Variants in GLIS1 observed in about 807,000 individuals in gnomAD.
The protein encoded by GLIS1 is GLIS family zinc finger 1.
A neutral mutation model predicts 63.8 loss-of-function variants in GLIS1; 24 were observed. The observed-to-expected ratio is 0.38, with a 90% CI of 0.27 to 0.53. The LOEUF (loss-of-function observed/expected upper bound fraction) is 0.53, where lower values mean the gene tolerates loss of function less well. GLIS1 is among the 20% of genes least tolerant of loss of function. The probability of loss-of-function intolerance (pLI) is 0.85; values close to 1 mark genes in which losing one functional copy is unlikely to be tolerated. For synonymous variants in GLIS1, 450 were observed against 482.5 expected (o/e 0.93, Z 0.88); for missense variants, 1,036 against 1,074.1 (o/e 0.96, Z 0.50).
At chr1:53,509,416 G>GAGA in intron 9 of GLIS1, 129 bp from the exon 10 acceptor site, 1 of 1,020,990 alleles carries the variant, frequency 9.8e-7, no homozygotes, top group Non-Finnish European at 1.4e-6. Flanking sequence ...GAGAGAGAGA[G>GAGA]GAGGGCCCAG....
intron 2 of GLIS1, among the ~76,000 whole-genome samples, chr1:53,711,741 T>C (rs1646649202): frequency 6.6e-6 from 1 of 152,236 alleles, no homozygotes; most frequent in Admixed American, 6.5e-5. Context: ...CCTTCACAAG[T>C]AGCAGTCATT....
chr1:53,736,258 G>A (rs1646911702), intron 2 of GLIS1, among the ~76,000 whole-genome samples: 1 of 152,160 alleles, frequency 6.6e-6, no homozygotes. Flanking sequence ...GTTTGGGGGC[G>A]TGCGTAAAAA....
At chr1:53,551,555 T>C (rs1644759758) in intron 4 of GLIS1, among the ~76,000 whole-genome samples, 2 of 152,162 alleles carry the variant, frequency 1.3e-5, no homozygotes, top group Non-Finnish European at 2.9e-5. Flanking sequence ...GTCAGGTCGG[T>C]TGCTTAGAGC....
At chr1:53,684,962 G>A (rs996777983) in intron 2 of GLIS1, among the ~76,000 whole-genome samples, 2 of 152,226 alleles carry the variant, frequency 1.3e-5, no homozygotes, top group Non-Finnish European at 2.9e-5. Context: ...GAGACTCACG[G>A]GAGGGGAGAT....
intron 6 of GLIS1, among the ~76,000 whole-genome samples, chr1:53,522,771 C>T (rs1644422945): frequency 6.6e-6 from 1 of 151,824 alleles, no homozygotes; most frequent in African/African-American, 2.4e-5. Context: ...AAAAAAAAGC[C>T]AGGAGCAGTA....
At chr1:53,565,933 T>A (rs1644932922) in intron 4 of GLIS1, among the ~76,000 whole-genome samples, 1 of 151,968 alleles carries the variant, frequency 6.6e-6, no homozygotes. Context: ...ACAAAAAATT[T>A]TGAATTGAGT....
intron 2 of GLIS1, among the ~76,000 whole-genome samples, chr1:53,677,697 C>T (rs914519492): frequency 3.9e-5 from 6 of 152,252 alleles, no homozygotes; most frequent in Non-Finnish European, 7.3e-5. Flanking sequence ...CGGGCACCCG[C>T]GAGGAGCACC....
intron 2 of GLIS1, among the ~76,000 whole-genome samples, chr1:53,702,954 G>A (rs907612990): frequency 7.9e-5 from 12 of 152,192 alleles, no homozygotes; most frequent in Admixed American, 6.5e-5. Flanking sequence ...GCTGAGCACC[G>A]TGGCATCAAG....
At chr1:53,689,439 G>T (rs540314785) in intron 2 of GLIS1, among the ~76,000 whole-genome samples, 1 of 152,176 alleles carries the variant, frequency 6.6e-6, no homozygotes, top group East Asian at 1.9e-4. Context: ...CTACCAAGTT[G>T]ACCCACCTGT....
intron 2 of GLIS1, among the ~76,000 whole-genome samples, chr1:53,616,865 T>C (rs1229564292): frequency 1.3e-5 from 2 of 152,150 alleles, no homozygotes; most frequent in Non-Finnish European, 2.9e-5. Context: ...TTCCACCATG[T>C]GGCCAGAAAT....
At chr1:53,572,593 G>C (rs147429033) in intron 4 of GLIS1, among the ~76,000 whole-genome samples, 1 of 152,234 alleles carries the variant, frequency 6.6e-6, no homozygotes, top group South Asian at 2.1e-4. Flanking sequence ...GCAGTCAGGG[G>C]ACGTTTACAT....
intron 2 of GLIS1, among the ~76,000 whole-genome samples, chr1:53,669,869 T>C (rs992731375): frequency 1.3e-5 from 2 of 152,154 alleles, no homozygotes; most frequent in Admixed American, 6.5e-5. Context: ...CATCCAAGGA[T>C]TCAGGCAGCA....
intron 2 of GLIS1, among the ~76,000 whole-genome samples, chr1:53,680,945 G>A (rs1374914092): frequency 6.6e-6 from 1 of 152,164 alleles, no homozygotes; most frequent in Admixed American, 6.5e-5. Flanking sequence ...GCACACATGT[G>A]GCCACTGCCC....
intron 3 of GLIS1, among the ~76,000 whole-genome samples, chr1:53,596,545 C>T (rs1420255394): frequency 1.3e-5 from 2 of 152,200 alleles, no homozygotes; most frequent in Non-Finnish European, 2.9e-5. Context: ...AGTGAGATGG[C>T]CCCGTGACAG....
chr1:53,515,077 A>ATG (rs1250658764), intron 7 of GLIS1, among the ~76,000 whole-genome samples: 2 of 76,364 alleles, frequency 2.6e-5, no homozygotes, highest in African/African-American at 9.9e-5. Flanking sequence ...GTGTGTGTGT[A>ATG]TATGTGTGTG....
Position 53,514,741 on chromosome 1 carries a change from T to C in GLIS1, c.1767A>G (p.Ala589=). The C allele has an allele frequency of 6.2e-7, 1 of 1,610,022 alleles. No homozygotes were observed. The highest frequency in any genetic ancestry group is 8.5e-7 in the Non-Finnish European group (1 of 1,178,164). The change falls in exon 8 of 11, where the codon GCA becomes GCG. Residue 589 remains alanine (A), a synonymous_variant. Transcript: ENST00000628545. ...CGTGCGCTGGGGGCAGGAGGCCCGA[T>C]GCAAGTCCGTTATGGGGGGTGATGG... ...PGSITPHNGL[A]SGLLPPAHDV...
chr1:53,528,920 GTCC>G (rs1325597220), intron 5 of GLIS1, among the ~76,000 whole-genome samples: 7 of 152,138 alleles, frequency 4.6e-5, no homozygotes, highest in Admixed American at 2.0e-4. Context: ...GGGGGCTGGG[GTCC>G]TCCTCAGGCA....
chr1:53,615,978 G>A (rs1254930728), intron 2 of GLIS1, among the ~76,000 whole-genome samples: 1 of 152,074 alleles, frequency 6.6e-6, no homozygotes, highest in Non-Finnish European at 1.5e-5. Context: ...GAATTCCTGA[G>A]CTCAGGCAAT....
At chr1:53,605,901 T>C (rs1351452459) in intron 2 of GLIS1, among the ~76,000 whole-genome samples, 3 of 152,186 alleles carry the variant, frequency 2.0e-5, no homozygotes, top group African/African-American at 7.2e-5. Flanking sequence ...GGGAGGCCTG[T>C]CTCAAGTTTA....
Sources: allele counts gnomAD v4.1 joint callset (sites outside exome capture counted in the v4.1 genomes callset), GRCh38; gene constraint gnomAD v4.1.1; transcripts MANE v1.5; gene names NCBI Gene and HGNC (gene_info 2026-07-23, HGNC 2026-07-21).